TPO: variants seen among roughly 807,000 people sequenced by gnomAD.
The protein encoded by TPO is thyroid peroxidase.
Under a neutral mutation model 96.9 loss-of-function variants are expected in TPO, and 78 were observed. The ratio of observed to expected loss-of-function variants is 0.81; its 90% CI spans 0.67 to 0.97. The LOEUF is 0.97. TPO is among the 50% of genes least tolerant of loss of function. The pLI is 0.00. For synonymous variants in TPO, 547 were observed against 538.0 expected (o/e 1.02, Z -0.23); for missense variants, 1,252 against 1,274.8 (o/e 0.98, Z 0.27).
chr2:1,392,881 CTCTTT>C (rs779738292), intron 1 of TPO, among the ~76,000 whole-genome samples: 2 of 152,050 alleles, frequency 1.3e-5, no homozygotes, highest in Non-Finnish European at 2.9e-5. Context: ...TGATTCTTCT[CTCTTT>C]TCTTCTTTAT....
intron 10 of TPO, among the ~76,000 whole-genome samples, chr2:1,491,764 G>A (rs1573409852): frequency 6.6e-6 from 1 of 152,236 alleles, no homozygotes; most frequent in Admixed American, 6.5e-5. Flanking sequence ...TAGATTGGGT[G>A]ATAAAGATGA....
At position 1,464,751 on chromosome 2, in the gene TPO, G is replaced by A. The variant is rs558994980; in HGVS notation, c.819+8469G>A. ...AGCCCACTTTTTGATGGGATTGTTT[G>A]GTTTTTCTTACTGATTTGTTTGAGT... On this transcript the variant is annotated intron_variant, in intron 7 of 16. Coordinates refer to ENST00000329066, the MANE Select transcript of TPO (RefSeq NM_001206744.2). 2.0e-5 allele frequency among the ~76,000 whole-genome samples: 3 copies of A among 152,046 alleles called. No individual in the cohort carries two copies. The East Asian group carries it at 5.8e-4, about 30-fold the overall frequency.
intron 13 of TPO, 70 bp from the exon 14 acceptor site, chr2:1,503,878 C>T (rs545415170): frequency 1.9e-5 from 30 of 1,612,922 alleles, no homozygotes; most frequent in African/African-American, 1.5e-4. Context: ...CCTCCCAGAA[C>T]GGGGGTCGCT....
chr2:1,418,284 CAA>C (rs1168526107), intron 2 of TPO, among the ~76,000 whole-genome samples: 12 of 93,010 alleles, frequency 1.3e-4, no homozygotes, highest in Admixed American at 2.4e-4. Context: ...GAATCCATCT[CAA>C]AAAAAAAAAA....
chr2:1,470,886 C>T (rs1420445764), intron 7 of TPO, among the ~76,000 whole-genome samples: 2 of 152,234 alleles, frequency 1.3e-5, no homozygotes, highest in African/African-American at 4.8e-5. Context: ...GCTTCCACTT[C>T]ACTTCATTAT....
At chr2:1,528,521 A>C (rs1245805474) in intron 15 of TPO, among the ~76,000 whole-genome samples, 2 of 129,098 alleles carry the variant, frequency 1.5e-5, no homozygotes, top group African/African-American at 6.4e-5. Context: ...CCAAATTCCA[A>C]CTGTGTACAA....
At chr2:1,411,403 G>T (rs1043885831), upstream of TPO, among the ~76,000 whole-genome samples, 3 of 152,060 alleles carry the variant, frequency 2.0e-5, no homozygotes, top group Non-Finnish European at 4.4e-5. Context: ...CCTCTTCCCA[G>T]GTCTCCATCG....
intron 14 of TPO, among the ~76,000 whole-genome samples, chr2:1,506,074 C>T (rs1309178607): frequency 3.3e-5 from 5 of 151,584 alleles, no homozygotes; most frequent in Non-Finnish European, 7.4e-5. Context: ...GTGTGATGTT[C>T]CCCTTCCTGT....
chr2:1,386,577 C>T lies in TPO; in HGVS notation n.180+12175C>T, dbSNP rs193034928. Among the ~76,000 whole-genome samples, 92 of 152,224 alleles carry T rather than the reference C, an allele frequency of 6.0e-4. No individual in the cohort carries two copies. In the East Asian group the frequency reaches 0.014, roughly 24 times the overall value. On this transcript the variant is annotated intron_variant and non_coding_transcript_variant, in intron 1 of 5. Transcript: ENST00000497517. ...TCTATTTGCTTGGTAGATCTTCCTC[C>T]GTCCCTTTATTTTGAGCCTATGTGT...
chr2:1,394,047 T>C (rs1342497811), intron 1 of TPO, among the ~76,000 whole-genome samples: 1 of 152,198 alleles, frequency 6.6e-6, no homozygotes, highest in African/African-American at 2.4e-5. Context: ...CATGTGACAA[T>C]TTTCAATACT....
At chr2:1,527,455 C>G (rs1017222144) in intron 15 of TPO, among the ~76,000 whole-genome samples, 2 of 148,558 alleles carry the variant, frequency 1.3e-5, no homozygotes, top group African/African-American at 5.0e-5. Context: ...CTCAAATACC[C>G]CACTGTGTGC....
At chr2:1,376,138 G>A (rs538761975) in intron 1 of TPO, among the ~76,000 whole-genome samples, 1 of 152,074 alleles carries the variant, frequency 6.6e-6, no homozygotes, top group Non-Finnish European at 1.5e-5. Flanking sequence ...TATTTTCTTC[G>A]TAAATCCAAA....
Position 1,533,942 on chromosome 2 carries a change from T to C in TPO, c.2619-6652T>C, listed in dbSNP as rs1310380784. On this transcript the variant is annotated intron_variant, in intron 15 of 16. Coordinates refer to ENST00000329066, the MANE Select transcript of TPO (RefSeq NM_001206744.2). ...ACCTCCATAAATCCAACCAAATGTA[T>C]GCAACCTCCTCAAATCCCCACCACT... Among the ~76,000 whole-genome samples, 4 of 95,506 alleles carry C rather than the reference T, an allele frequency of 4.2e-5. 1 individual carries two copies. Among genetic ancestry groups the C allele is most frequent in the African/African-American group, 1.6e-4 (4 of 25,628 alleles). The allele number at this position is 95,506 out of a possible 152,430, so 62.7% of individuals were successfully genotyped here.
chr2:1,489,132 C>T (rs1671457045), intron 10 of TPO, among the ~76,000 whole-genome samples: 1 of 151,138 alleles, frequency 6.6e-6, no homozygotes, highest in Non-Finnish European at 1.5e-5. Flanking sequence ...CATGCCCACA[C>T]ATGACCAGCA....
intron 1 of TPO, among the ~76,000 whole-genome samples, chr2:1,394,227 G>C (rs967337895): frequency 6.6e-6 from 1 of 152,192 alleles, no homozygotes; most frequent in Non-Finnish European, 1.5e-5. Context: ...AAAGTTTACA[G>C]GAAAACACAA....
intron 14 of TPO, among the ~76,000 whole-genome samples, chr2:1,505,875 ATTATAC>A (rs1673398103): frequency 7.1e-6 from 1 of 140,754 alleles, no homozygotes; most frequent in South Asian, 2.3e-4. Flanking sequence ...TTTTATTATT[ATTATAC>A]TTTAAGTTTT....
In TPO at chr2:1,477,328, G is replaced by A. The variant is rs1209623772; in HGVS notation, c.1062G>A (p.Ala354=). The change falls in exon 8 of 17, where the codon GCG becomes GCA. Residue 354 remains alanine (A), a synonymous_variant. Transcript: ENST00000329066. ...TSAEGLLRVH[A]RLRDSGRAYL... is the part of the protein sequence containing the mutation. ...CCGAAGGGCTGCTCCGCGTCCACGCGCGCCTCCGGGACTCCGGCCGCGCCT... is the reference window on the plus strand; with the variant it reads ...CCGAAGGGCTGCTCCGCGTCCACGCACGCCTCCGGGACTCCGGCCGCGCCT... 10 of 1,563,134 alleles carry A rather than the reference G, an allele frequency of 6.4e-6. No individual in the cohort carries two copies. The highest frequency in any genetic ancestry group is 8.7e-6 in the Non-Finnish European group (10 of 1,154,842).
At chr2:1,392,433 T>A (rs931627256) in intron 1 of TPO, among the ~76,000 whole-genome samples, 1 of 152,204 alleles carries the variant, frequency 6.6e-6, no homozygotes, top group Non-Finnish European at 1.5e-5. Flanking sequence ...TTTTTGCATC[T>A]ATATTCATCA....
chr2:1,466,300 T>C (rs1191034425), intron 7 of TPO, among the ~76,000 whole-genome samples: 1 of 152,202 alleles, frequency 6.6e-6, no homozygotes, highest in African/African-American at 2.4e-5. Flanking sequence ...GCTAGTATTT[T>C]GTTAAGGATT....
Sources: allele counts gnomAD v4.1 joint callset (sites outside exome capture counted in the v4.1 genomes callset), GRCh38; gene constraint gnomAD v4.1.1; transcripts MANE v1.5; gene names NCBI Gene and HGNC (gene_info 2026-07-23, HGNC 2026-07-21).